The following IQCM variants were observed in gnomAD, a reference collection of about 807,000 sequenced individuals.
The protein encoded by IQCM is IQ domain-containing protein M.
A neutral mutation model predicts 57.6 loss-of-function variants in IQCM; 45 were observed. The observed-to-expected ratio is 0.78, with a 90% CI of 0.62 to 1.00. The LOEUF is 1.00. IQCM is among the 50% of genes least tolerant of loss of function. IQCM has a pLI of 0.00. For missense variants in IQCM, 468 were observed against 511.6 expected (o/e 0.91, Z 0.82); for synonymous variants, 148 against 158.9 (o/e 0.93, Z 0.51).
intron 11 of IQCM, among the ~76,000 whole-genome samples, chr4:149,552,366 G>C (rs1293607127): frequency 6.6e-6 from 1 of 152,070 alleles, no homozygotes; most frequent in Non-Finnish European, 1.5e-5. Flanking sequence ...CCATAAAGCA[G>C]TAAGACAATG....
chr4:149,527,981 G>GC (rs1746332402), intron 12 of IQCM, among the ~76,000 whole-genome samples: 2 of 63,738 alleles, frequency 3.1e-5, no homozygotes, highest in African/African-American at 1.3e-4. Flanking sequence ...GATTTATCTT[G>GC]TTTTTTGTTT....
At chr4:149,500,293 A>T (rs1281359078) in intron 12 of IQCM, among the ~76,000 whole-genome samples, 1 of 152,240 alleles carries the variant, frequency 6.6e-6, no homozygotes, top group Non-Finnish European at 1.5e-5. Context: ...GATCCAAGAC[A>T]GCAAAGTGTC....
At chr4:149,519,271 T>C (rs1261597585) in intron 12 of IQCM, among the ~76,000 whole-genome samples, 2 of 152,164 alleles carry the variant, frequency 1.3e-5, no homozygotes, top group East Asian at 3.9e-4. Context: ...TATTGTAATT[T>C]TTTTGCTTCC....
rs377158657 is a variant in IQCM, at chr4:149,548,256, C to A, written c.1228+199G>T. On this transcript the variant is annotated intron_variant, in intron 12 of 13. Coordinates refer to ENST00000636793, the MANE Select transcript of IQCM (RefSeq NM_001363507.2). The stretch of plus-strand genomic sequence containing the variant: ...CTGTATTGTATTAACTTCTTTTAAC[C>A]TACTTTTCAAATATTTTCCTTCACA... 5.3e-5 allele frequency among the ~76,000 whole-genome samples: 8 copies of A among 152,220 alleles called. No individual in the cohort carries two copies. The South Asian group carries it at 8.3e-4, about 16-fold the overall frequency.
chr4:149,368,760 A>ATATATATATATACATATATATACACG (rs1730024934), intron 13 of IQCM, among the ~76,000 whole-genome samples: 7 of 106,572 alleles, frequency 6.6e-5, no homozygotes, highest in African/African-American at 2.2e-4. Flanking sequence ...ATACATGTAT[A>ATATATATATATACATATATATACACG]TATATATATA....
chr4:149,397,633 A>T (rs1056217350), intron 13 of IQCM, among the ~76,000 whole-genome samples: 4 of 152,004 alleles, frequency 2.6e-5, no homozygotes, highest in Admixed American at 6.6e-5. Flanking sequence ...AACCTCCTTT[A>T]TTAATTACTC....
rs190290486 is a variant in IQCM at position 149,676,669 on chromosome 4, C to T, written c.565+5449G>A. 2.9e-3 allele frequency among the ~76,000 whole-genome samples: 434 copies of T among 152,134 alleles called. 7 individuals are homozygous for T. The highest frequency in any genetic ancestry group is 9.8e-3 in the African/African-American group (408 of 41,542). On this transcript the variant is annotated intron_variant, in intron 7 of 13. Transcript: ENST00000636793. ...TAACTTCAGTGCTGTCACTATTAAT[C>T]ACTATACCATACTGCTTTAAAAGGC...
At chr4:149,404,142 G>A (rs571275793) in intron 13 of IQCM, among the ~76,000 whole-genome samples, 1 of 152,144 alleles carries the variant, frequency 6.6e-6, no homozygotes, top group Admixed American at 6.6e-5. Flanking sequence ...GCACTAAAGA[G>A]ACACATGTTC....
chr4:149,569,398 A>C (rs1750943399), intron 9 of IQCM, among the ~76,000 whole-genome samples: 1 of 152,192 alleles, frequency 6.6e-6, no homozygotes, highest in Non-Finnish European at 1.5e-5. Context: ...CTTGTTGTCA[A>C]TATGTTCTTA....
At chr4:149,700,466 C>T (rs552092023) in intron 5 of IQCM, among the ~76,000 whole-genome samples, 35 of 152,040 alleles carry the variant, frequency 2.3e-4, no homozygotes, top group Admixed American at 2.2e-3. Context: ...AGGCTGTTCT[C>T]GGTACCTTTA....
chr4:149,573,716 G>A (rs1203146017), intron 9 of IQCM, among the ~76,000 whole-genome samples: 1 of 151,156 alleles, frequency 6.6e-6, no homozygotes, highest in Non-Finnish European at 1.5e-5. Context: ...CAGGAGAATT[G>A]CTTGAGCCCA....
intron 2 of IQCM, among the ~76,000 whole-genome samples, chr4:149,814,500 C>T (rs946071039): frequency 1.3e-5 from 2 of 151,822 alleles, no homozygotes; most frequent in South Asian, 4.2e-4. Flanking sequence ...CTTCAAGATG[C>T]TCAAGGTGAT....
At chr4:149,531,610 T>A (rs1251413190) in intron 12 of IQCM, among the ~76,000 whole-genome samples, 1 of 152,086 alleles carries the variant, frequency 6.6e-6, no homozygotes, top group Non-Finnish European at 1.5e-5. Flanking sequence ...GCTTATAGTC[T>A]AGTATGTAAA....
At chr4:149,433,897 A>T (rs923363288) in intron 12 of IQCM, among the ~76,000 whole-genome samples, 3 of 152,116 alleles carry the variant, frequency 2.0e-5, no homozygotes, top group African/African-American at 7.2e-5. Flanking sequence ...TCTATTTAAC[A>T]ATGGAATCAG....
chr4:149,653,077 T>C (rs1759334544), intron 7 of IQCM, among the ~76,000 whole-genome samples: 1 of 152,234 alleles, frequency 6.6e-6, no homozygotes, highest in Non-Finnish European at 1.5e-5. Flanking sequence ...TGAGATTTTT[T>C]TTATCCTAGC....
rs562799418 is a variant in IQCM at position 149,691,172 on chromosome 4, C to T, written c.386-4704G>A. On this transcript the variant is annotated intron_variant, in intron 5 of 13. Coordinates refer to ENST00000636793, the MANE Select transcript of IQCM (RefSeq NM_001363507.2). ...GATTATCATGTTTTATTCTTAGAGA[C>T]ATCCCATAGATTAAGTACTATTACT... Among the ~76,000 whole-genome samples, 8 of 152,232 alleles carry T rather than the reference C, an allele frequency of 5.3e-5. No homozygotes were observed. The East Asian group carries it at 1.5e-3, about 29-fold the overall frequency.
chr4:149,772,604 C>T (rs1318839588), intron 2 of IQCM, among the ~76,000 whole-genome samples: 3 of 152,090 alleles, frequency 2.0e-5, no homozygotes, highest in African/African-American at 7.2e-5. Flanking sequence ...AAAACTACCA[C>T]TTTGGAATTT....
intron 13 of IQCM, among the ~76,000 whole-genome samples, chr4:149,390,758 TA>T (rs1731793460): frequency 6.6e-6 from 1 of 152,018 alleles, no homozygotes; most frequent in African/African-American, 2.4e-5. Flanking sequence ...TTTCATGGGT[TA>T]AATCTCACTT....
chr4:149,762,768 G>T (rs114072698), intron 2 of IQCM, among the ~76,000 whole-genome samples: 7 of 151,974 alleles, frequency 4.6e-5, no homozygotes, highest in African/African-American at 1.7e-4. Context: ...AGGGGATAAG[G>T]TTCTCCACAG....
Sources: allele counts gnomAD v4.1 joint callset (sites outside exome capture counted in the v4.1 genomes callset), GRCh38; gene constraint gnomAD v4.1.1; transcripts MANE v1.5; gene names NCBI Gene and HGNC (gene_info 2026-07-23, HGNC 2026-07-21).